The following PSMD14 variants were observed in gnomAD, a reference collection of about 807,000 sequenced individuals.
PSMD14 encodes ubiquitin C-terminal hydrolase PSMD14.
A neutral mutation model predicts 41.2 loss-of-function variants in PSMD14; 7 were observed. The ratio of observed to expected loss-of-function variants is 0.17; its 90% CI spans 0.10 to 0.32. The LOEUF (loss-of-function observed/expected upper bound fraction) is 0.32, where lower values mean the gene tolerates loss of function less well. Among genes scored for constraint, PSMD14 ranks in the 10% least tolerant of loss-of-function variants. The pLI is 1.00. For missense variants in PSMD14, 139 were observed against 375.6 expected, an observed-to-expected ratio of 0.37 and a Z score of 5.21; for synonymous variants, 114 against 122.3, an observed-to-expected ratio of 0.93 and a Z score of 0.45.
chr2:161,321,098 A>G (rs778547918), intron 3 of PSMD14, among the ~76,000 whole-genome samples: 2 of 152,206 alleles, frequency 1.3e-5, no homozygotes, highest in Non-Finnish European at 2.9e-5. Context: ...GATAAGGCAT[A>G]GGCACCAATA....
chr2:161,372,561 T>G (rs759061926), intron 7 of PSMD14, among the ~76,000 whole-genome samples: 7 of 151,982 alleles, frequency 4.6e-5, no homozygotes, highest in Admixed American at 1.3e-4. Flanking sequence ...TAATAGAAAC[T>G]GATATACTAG....
intron 3 of PSMD14, among the ~76,000 whole-genome samples, chr2:161,353,830 A>C (rs902227064): frequency 6.6e-6 from 1 of 152,190 alleles, no homozygotes; most frequent in Non-Finnish European, 1.5e-5. Flanking sequence ...GAATAAATAA[A>C]AACGTAGATT....
intron 5 of PSMD14, among the ~76,000 whole-genome samples, chr2:161,369,720 G>C (rs1683407264): frequency 6.6e-6 from 1 of 152,018 alleles, no homozygotes; most frequent in Non-Finnish European, 1.5e-5. Flanking sequence ...TATGATAGCT[G>C]AATATTTGTA....
At chr2:161,356,769 T>G (rs1683205253) in intron 3 of PSMD14, among the ~76,000 whole-genome samples, 1 of 151,798 alleles carries the variant, frequency 6.6e-6, no homozygotes, top group Non-Finnish European at 1.5e-5. Context: ...CTCCTTTTTT[T>G]TTTTTTTTTA....
chr2:161,310,839 C>T (rs1689079190), intron 1 of PSMD14, among the ~76,000 whole-genome samples: 1 of 152,130 alleles, frequency 6.6e-6, no homozygotes, highest in Admixed American at 6.6e-5. Flanking sequence ...ACACTGCTGT[C>T]CTTTCCCTTT....
In PSMD14 at chr2:161,403,910, A is replaced by T. The variant is rs549732415; in HGVS notation, c.772-4927A>T. 5.5e-4 allele frequency among the ~76,000 whole-genome samples: 80 copies of T among 145,502 alleles called. No individual in the cohort carries two copies. The Middle Eastern group carries it at 0.014, about 26-fold the overall frequency. ...TTGTTCTTCTATCAAATGAATTTAA[A>T]TTTTTTTTTTTTTAAGGGACCAGGT... On this transcript the variant is annotated intron_variant, in intron 10 of 11. Transcript: ENST00000409682.
At chr2:161,348,458 A>G (rs1455407947) in intron 3 of PSMD14, among the ~76,000 whole-genome samples, 1 of 152,200 alleles carries the variant, frequency 6.6e-6, no homozygotes, top group Non-Finnish European at 1.5e-5. Context: ...CTAGTTTATA[A>G]TTTCAGGAAA....
chr2:161,378,828 GT>G (rs754573976), intron 7 of PSMD14, among the ~76,000 whole-genome samples: 31 of 151,960 alleles, frequency 2.0e-4, no homozygotes, highest in Non-Finnish European at 3.5e-4. Context: ...ACCTACACTT[GT>G]TTGTTGAGAG....
Position 161,408,737 on chromosome 2 carries a change from A to G in PSMD14, c.772-100A>G, listed in dbSNP as rs1036963839. 8.7e-6 allele frequency: 7 copies of G among 808,348 alleles called. No individual in the cohort carries two copies. The South Asian group carries it at 1.0e-4, about 12-fold the overall frequency. The allele number at this position is 808,348 out of a possible 1,614,324, so 50.1% of individuals were successfully genotyped here. A position where few individuals can be genotyped will look rare whatever the true frequency, so the allele number is the denominator to read the frequency against. On this transcript the variant is annotated intron_variant, in intron 10 of 11. Coordinates refer to ENST00000409682, the MANE Select transcript of PSMD14 (RefSeq NM_005805.6). ...AGTAAATTATTTGAATAAAAGTTGT[A>G]TGAATGAAAATTCTGGTCATCATTA...
At chr2:161,376,182 G>T (rs1314212531) in intron 7 of PSMD14, among the ~76,000 whole-genome samples, 7 of 150,682 alleles carry the variant, frequency 4.6e-5, no homozygotes, top group Non-Finnish European at 1.0e-4. Flanking sequence ...TAGGGGTCAG[G>T]CCTGCATTAA....
chr2:161,369,857 T>C (rs926687331), intron 5 of PSMD14, among the ~76,000 whole-genome samples: 3 of 152,032 alleles, frequency 2.0e-5, no homozygotes, highest in South Asian at 2.1e-4. Flanking sequence ...GGTAAACATA[T>C]ACACAGCAAT....
intron 1 of PSMD14, among the ~76,000 whole-genome samples, chr2:161,314,925 A>G (rs1371323847): frequency 6.6e-6 from 1 of 152,204 alleles, no homozygotes; most frequent in Non-Finnish European, 1.5e-5. Flanking sequence ...GCATATACCA[A>G]TGAGTGGAGT....
At chr2:161,378,929 A>G (rs1334189922) in intron 7 of PSMD14, among the ~76,000 whole-genome samples, 1 of 152,018 alleles carries the variant, frequency 6.6e-6, no homozygotes, top group Non-Finnish European at 1.5e-5. Context: ...TGGCCTTTAC[A>G]TATTTTTCCT....
chr2:161,400,458 C>T (rs1683860153), intron 10 of PSMD14, among the ~76,000 whole-genome samples: 2 of 152,118 alleles, frequency 1.3e-5, no homozygotes, highest in Admixed American at 6.5e-5. Flanking sequence ...TATAGGGCCA[C>T]TTATACATGG....
chr2:161,398,097 T>C (rs1046638703), intron 10 of PSMD14, among the ~76,000 whole-genome samples: 1 of 152,174 alleles, frequency 6.6e-6, no homozygotes, highest in African/African-American at 2.4e-5. Context: ...TTTTACAGTT[T>C]TAAAAAATCT....
chr2:161,385,591 A>G lies in PSMD14; in HGVS notation c.570+20A>G, dbSNP rs992696613. On this transcript the variant is annotated intron_variant, in intron 8 of 11. Coordinates refer to ENST00000409682, the MANE Select transcript of PSMD14 (RefSeq NM_005805.6). ...ATCCAGGTATTGCCTATATTTGATA[A>G]TGTGTTAAAACTCTTTTAAATTTTA... is the stretch of plus-strand genomic sequence containing the variant. The G allele has an allele frequency of 1.4e-6, 2 of 1,472,326 alleles. No individual in the cohort carries two copies. The highest frequency in any genetic ancestry group is 9.5e-7 in the Non-Finnish European group (1 of 1,054,592). 91.2% of individuals were successfully genotyped at this position (1,472,326 alleles called of 1,614,324 possible).
intron 3 of PSMD14, among the ~76,000 whole-genome samples, chr2:161,329,028 C>T (rs552039523): frequency 9.9e-5 from 15 of 151,876 alleles, no homozygotes; most frequent in Admixed American, 5.9e-4. Context: ...ATTTTCTCTC[C>T]CAGTCTTTAA....
chr2:161,362,921 A>G (rs546150645), intron 3 of PSMD14, among the ~76,000 whole-genome samples: 1 of 151,950 alleles, frequency 6.6e-6, no homozygotes, highest in South Asian at 2.1e-4. Flanking sequence ...GCCTTTGTTT[A>G]TTGTTTCTGT....
chr2:161,350,424 C>T (rs1683101956), intron 3 of PSMD14, among the ~76,000 whole-genome samples: 1 of 152,140 alleles, frequency 6.6e-6, no homozygotes, highest in Admixed American at 6.5e-5. Context: ...GTTAACTAGT[C>T]CTAAAACTAG....
Sources: allele counts gnomAD v4.1 joint callset (sites outside exome capture counted in the v4.1 genomes callset), GRCh38; gene constraint gnomAD v4.1.1; transcripts MANE v1.5; gene names NCBI Gene and HGNC (gene_info 2026-07-23, HGNC 2026-07-21).